The following LRRIQ1 variants were observed in gnomAD, a reference collection of about 807,000 sequenced individuals.
LRRIQ1 encodes leucine-rich repeat- and IQ domain-containing protein 1.
LRRIQ1 carries 210 observed loss-of-function variants against 211.9 expected under a neutral mutation model. The observed-to-expected ratio is 0.99, with a 90% CI of 0.89 to 1.11. The LOEUF (loss-of-function observed/expected upper bound fraction) is 1.11, where lower values mean the gene tolerates loss of function less well. LRRIQ1 is among the 50% of genes most tolerant of loss of function. The pLI, the probability that LRRIQ1 is intolerant of heterozygous loss-of-function variation, is 0.00. For synonymous variants in LRRIQ1, 699 were observed against 650.1 expected (o/e 1.08, Z -1.14); for missense variants, 2,136 against 1,939.5 (o/e 1.10, Z -1.90).
intron 18 of LRRIQ1, among the ~76,000 whole-genome samples, chr12:85,130,726 G>A (rs1458904770): frequency 6.6e-6 from 1 of 152,106 alleles, no homozygotes; most frequent in East Asian, 1.9e-4. Context: ...AACATTCTGA[G>A]GGAGTACAGT....
Position 85,142,026 on chromosome 12 carries a change from T to C in LRRIQ1, c.4329+4057T>C, listed in dbSNP as rs138177132. 6.5e-3 allele frequency among the ~76,000 whole-genome samples: 983 copies of C among 151,516 alleles called. 5 individuals carry two copies. The highest frequency in any genetic ancestry group is 0.01 in the Admixed American group (155 of 15,122). On this transcript the variant is annotated intron_variant, in intron 19 of 26. Transcript: ENST00000393217. ...CAGTTTTTGATTGCTTGAAAATTTA[T>C]TTCTTTTTTCAATATTTTGGAATAT...
intron 10 of LRRIQ1, among the ~76,000 whole-genome samples, chr12:85,070,840 A>T (rs543954899): frequency 5.7e-4 from 87 of 152,090 alleles, no homozygotes; most frequent in Non-Finnish European, 1.0e-3. Context: ...TCCATAAAAT[A>T]GCTTCAAAAC....
At chr12:85,171,750 G>A (rs1891428499) in intron 24 of LRRIQ1, among the ~76,000 whole-genome samples, 1 of 152,128 alleles carries the variant, frequency 6.6e-6, no homozygotes, top group Non-Finnish European at 1.5e-5. Flanking sequence ...TTTAGAAGAG[G>A]AAGAGACACC....
At position 85,104,024 on chromosome 12, in the gene LRRIQ1, T is replaced by C; in HGVS notation, c.3230T>C (p.Leu1077Pro). ...SQNSLTKIVP[L>P]FHFVSLEKLD... ...TTCAGCTTGACTAAAATCGTACCACTTTTTCATTTTGTTTCATTGGAAAAG... is the reference window on the plus strand; with the variant it reads ...TTCAGCTTGACTAAAATCGTACCACCTTTTCATTTTGTTTCATTGGAAAAG... The change falls in exon 14 of 27, where the codon CTT (leucine) becomes CCT (proline). Residue 1077 changes from leucine (L) to proline (P), a missense_variant. Coordinates refer to ENST00000393217, the MANE Select transcript of LRRIQ1 (RefSeq NM_001079910.2). The C allele has an allele frequency of 6.4e-7, 1 of 1,569,422 alleles. No homozygotes were observed. The highest frequency in any genetic ancestry group is 1.8e-4 in the Middle Eastern group (1 of 5,662).
Position 85,153,582 on chromosome 12 carries a change from C to CTGTTGTCTCAAACATAAACTACA in LRRIQ1, c.4542-81_4542-80insTGTTGTCTCAAACATAAACTACA, listed in dbSNP as rs1283627667. ...TTAGATTTTATTTCCAAGTTTGAGA[C>CTGTTGTCTCAAACATAAACTACA]AACATAAACAGTTTGTAGTTTTAAA... is the stretch of plus-strand genomic sequence containing the variant. On this transcript the variant is annotated intron_variant, in intron 21 of 26. Coordinates refer to ENST00000393217, the MANE Select transcript of LRRIQ1 (RefSeq NM_001079910.2). 3.5e-6 allele frequency: 3 copies of CTGTTGTCTCAAACATAAACTACA among 852,704 alleles called. No individual in the cohort carries two copies. The African/African-American group carries it at 5.5e-5, about 15-fold the overall frequency. The allele number at this position is 852,704 out of a possible 1,614,324, so 52.8% of individuals were successfully genotyped here.
intron 24 of LRRIQ1, among the ~76,000 whole-genome samples, chr12:85,204,541 G>A (rs2660461): frequency 0.017 from 2,552 of 152,320 alleles, 65 homozygotes; most frequent in African/African-American, 0.059. Flanking sequence ...GGGTGGAGCT[G>A]CCCACGACCA....
At chr12:85,223,100 A>G (rs1894478365) in intron 24 of LRRIQ1, among the ~76,000 whole-genome samples, 1 of 152,158 alleles carries the variant, frequency 6.6e-6, no homozygotes, top group Admixed American at 6.6e-5. Context: ...GATGATGGTA[A>G]AGACAAGTTG....
intron 23 of LRRIQ1, among the ~76,000 whole-genome samples, chr12:85,157,698 A>G (rs1168583321): frequency 2.0e-5 from 3 of 151,820 alleles, no homozygotes; most frequent in Admixed American, 6.6e-5. Flanking sequence ...GACTGAGATG[A>G]GGTGGATGCA....
At chr12:85,092,505 A>G (rs1292361660) in intron 11 of LRRIQ1, among the ~76,000 whole-genome samples, 1 of 152,202 alleles carries the variant, frequency 6.6e-6, no homozygotes, top group African/African-American at 2.4e-5. Flanking sequence ...TCTTCAAATG[A>G]TGAGACATCA....
At chr12:85,039,131 CA>C (rs1325670685) in intron 2 of LRRIQ1, among the ~76,000 whole-genome samples, 2 of 150,678 alleles carry the variant, frequency 1.3e-5, no homozygotes, top group African/African-American at 2.4e-5. Context: ...TTAAATGAGG[CA>C]AAAAAATCTG....
At chr12:85,150,095 G>A (rs117366414) in intron 19 of LRRIQ1, among the ~76,000 whole-genome samples, 13 of 151,832 alleles carry the variant, frequency 8.6e-5, no homozygotes, top group African/African-American at 2.9e-4. Flanking sequence ...GGTTTGGCAG[G>A]TGTTTAAGAA....
At chr12:85,062,287 G>A (rs935409588) in intron 8 of LRRIQ1, among the ~76,000 whole-genome samples, 4 of 151,792 alleles carry the variant, frequency 2.6e-5, no homozygotes, top group Non-Finnish European at 5.9e-5. Context: ...GAGCATGATT[G>A]AACCTGTCAC....
intron 16 of LRRIQ1, among the ~76,000 whole-genome samples, chr12:85,122,246 A>G (rs142588183): frequency 2.6e-5 from 4 of 152,248 alleles, no homozygotes; most frequent in African/African-American, 9.6e-5. Context: ...AAATTGGGTA[A>G]ACACCTAGAA....
intron 1 of LRRIQ1, among the ~76,000 whole-genome samples, chr12:85,257,106 T>C (rs1304215158): frequency 1.3e-5 from 1 of 78,012 alleles, no homozygotes; most frequent in African/African-American, 4.7e-5. Flanking sequence ...ATTATATAAA[T>C]ATATATAATT....
chr12:85,201,860 C>T (rs1161360667), intron 24 of LRRIQ1, among the ~76,000 whole-genome samples: 1 of 151,802 alleles, frequency 6.6e-6, no homozygotes, highest in Admixed American at 6.6e-5. Flanking sequence ...TTCTCTAGTT[C>T]CTCTAGTTAT....
intron 24 of LRRIQ1, among the ~76,000 whole-genome samples, chr12:85,168,619 T>G (rs1208229501): frequency 6.6e-6 from 1 of 152,058 alleles, no homozygotes; most frequent in Non-Finnish European, 1.5e-5. Context: ...TGGTGCCACT[T>G]CCAATTCCGC....
rs1415286013 is a variant in LRRIQ1 at position 85,229,554 on chromosome 12, A to G, written c.4860A>G (p.Ala1620=). ...EEDPIHKDTT[A]NEKLERNREY... ...ACCCTATCCACAAAGATACCACTGC[A>G]AATGAAAAATTAGAACGGAATAGAG... The change falls in exon 25 of 27, where the codon GCA becomes GCG. Residue 1620 remains alanine (A), a synonymous_variant. Coordinates refer to ENST00000393217, the MANE Select transcript of LRRIQ1 (RefSeq NM_001079910.2). 5 of 1,612,576 alleles carry G rather than the reference A, an allele frequency of 3.1e-6. No individual in the cohort carries two copies. The African/African-American group carries it at 5.3e-5, about 17-fold the overall frequency.
At chr12:85,154,199 T>A in intron 23 of LRRIQ1, 105 bp downstream of exon 23, 1 of 544,530 alleles carries the variant, frequency 1.8e-6, no homozygotes, top group Non-Finnish European at 2.9e-6. Context: ...AGTAATCAAT[T>A]CACAGATGAC....
chr12:85,101,016 C>G (rs1042214063), intron 13 of LRRIQ1, among the ~76,000 whole-genome samples: 2 of 151,748 alleles, frequency 1.3e-5, no homozygotes, highest in Admixed American at 6.6e-5. Flanking sequence ...CAATTCTGCT[C>G]TCTGACCCTC....
Sources: gnomAD v4.1 joint callset for allele counts (sites outside exome capture counted in the v4.1 genomes callset) on GRCh38, gnomAD v4.1.1 for gene constraint, MANE v1.5 for transcripts, NCBI Gene and HGNC (gene_info 2026-07-23, HGNC 2026-07-21) for gene names.